UBE2E1: variants seen among roughly 807,000 people sequenced by gnomAD.
UBE2E1 encodes the protein ubiquitin conjugating enzyme E2 E1.
UBE2E1 carries 6 observed loss-of-function variants against 21.4 expected under a neutral mutation model. The ratio of observed to expected loss-of-function variants is 0.28; its 90% confidence interval spans 0.15 to 0.55. The LOEUF is 0.55. Among genes scored for constraint, UBE2E1 ranks in the 20% least tolerant of loss-of-function variants. The probability of loss-of-function intolerance (pLI) is 0.93; values close to 1 mark genes in which losing one functional copy is unlikely to be tolerated. For missense variants in UBE2E1, 142 were observed against 236.5 expected (o/e 0.60, Z 2.62); for synonymous variants, 87 against 82.7 (o/e 1.05, Z -0.28).
chr3:23,878,105 C>G (rs1700956621), intron 3 of UBE2E1, among the ~76,000 whole-genome samples: 1 of 152,194 alleles, frequency 6.6e-6, no homozygotes, highest in Admixed American at 6.5e-5. Context: ...GGTCAATTTA[C>G]TATCCTTGCT....
At chr3:23,812,226 G>GA (rs2125280216) in intron 3 of UBE2E1, among the ~76,000 whole-genome samples, 1 of 130,676 alleles carries the variant, frequency 7.7e-6, no homozygotes, top group Non-Finnish European at 1.6e-5. Context: ...ACAATGAAGT[G>GA]AGGGTAACTT....
rs1414863461 is a variant in UBE2E1 at position 23,836,225 on chromosome 3, A to G, written c.203+24715A>G. On this transcript the variant is annotated intron_variant, in intron 3 of 5. Transcript: ENST00000306627. The surrounding 1 kb of genome is among the most constrained non-coding windows in gnomAD (Gnocchi z 4.1). ...TTTTATAACTAAAGTTAATAGGAAT[A>G]TCTAAAATGAATATCCAGCTAGTAA... Among the ~76,000 whole-genome samples, 1 of 152,252 alleles carries G rather than the reference A, an allele frequency of 6.6e-6. No homozygotes were observed. The highest frequency in any genetic ancestry group is 1.9e-4 in the East Asian group (1 of 5,200).
At chr3:23,858,939 A>T (rs112884278) in intron 3 of UBE2E1, among the ~76,000 whole-genome samples, 107 of 152,220 alleles carry the variant, frequency 7.0e-4, no homozygotes, top group African/African-American at 1.4e-3. Flanking sequence ...TTAACAATTT[A>T]CCTCATATCA....
chr3:23,817,429 AAAAAAAAAAG>A (rs919089148), intron 3 of UBE2E1, among the ~76,000 whole-genome samples: 2 of 148,168 alleles, frequency 1.3e-5, no homozygotes, highest in Non-Finnish European at 3.0e-5. Context: ...CTCAAAAAAA[AAAAAAAAAAG>A]AAAGAAAAGA....
At chr3:23,829,301 C>A (rs1451917245) in intron 3 of UBE2E1, among the ~76,000 whole-genome samples, 1 of 147,246 alleles carries the variant, frequency 6.8e-6, no homozygotes, top group African/African-American at 2.5e-5. Context: ...GCTGGGACAA[C>A]AGGTGCACTC....
At chr3:23,848,484 A>C (rs1038464960) in intron 3 of UBE2E1, among the ~76,000 whole-genome samples, 3 of 151,178 alleles carry the variant, frequency 2.0e-5, no homozygotes, top group African/African-American at 7.3e-5. Flanking sequence ...AAAAAAAAAC[A>C]AAAAACAAAA....
At chr3:23,849,932 A>G (rs1457046069) in intron 3 of UBE2E1, among the ~76,000 whole-genome samples, 3 of 152,178 alleles carry the variant, frequency 2.0e-5, no homozygotes, top group African/African-American at 7.2e-5. Flanking sequence ...GAATTGCCAC[A>G]CTGTCTCCAA....
intron 3 of UBE2E1, among the ~76,000 whole-genome samples, chr3:23,852,047 C>T (rs1404123123): frequency 1.3e-5 from 2 of 152,326 alleles, no homozygotes; most frequent in South Asian, 2.1e-4. Context: ...TGCTCCCTTT[C>T]CTGTCATGTC....
intron 3 of UBE2E1, among the ~76,000 whole-genome samples, chr3:23,838,403 G>A (rs1282382477): frequency 6.6e-6 from 1 of 152,088 alleles, no homozygotes; most frequent in Non-Finnish European, 1.5e-5. Flanking sequence ...ATTGGGACTT[G>A]CTTGTTTTTC....
chr3:23,871,278 C>T (rs567039962), intron 3 of UBE2E1, among the ~76,000 whole-genome samples: 1 of 109,302 alleles, frequency 9.1e-6, no homozygotes, highest in East Asian at 2.2e-4. Context: ...CCCTCACCTC[C>T]CGGACTGGGC....
intron 3 of UBE2E1, among the ~76,000 whole-genome samples, chr3:23,825,010 A>T (rs942113267): frequency 6.6e-5 from 10 of 152,236 alleles, no homozygotes; most frequent in African/African-American, 2.4e-4. Flanking sequence ...CCCAACAAGT[A>T]TATACGAAAC....
In UBE2E1 at chr3:23,842,235, GTGTGTGTGTGTGTGGTGTTGT is replaced by G. The variant is rs1700105350; in HGVS notation, c.203+30729_203+30749del. On this transcript the variant is annotated intron_variant, in intron 3 of 5. Coordinates refer to ENST00000306627, the MANE Select transcript of UBE2E1 (RefSeq NM_003341.5). The surrounding 1 kb of genome is among the most constrained non-coding windows in gnomAD (Gnocchi z 4.6). ...TGTGTGTGTGTGTGTGTGTGTGTGT[GTGTGTGTGTGTGTGGTGTTGT>G]TGTTGTTGGCGACAGGGTCTCAATT... Among the ~76,000 whole-genome samples the G allele has an allele frequency of 1.3e-5, 1 of 78,792 alleles. No individual in the cohort carries two copies. The highest frequency in any genetic ancestry group is 4.6e-5 in the African/African-American group (1 of 21,800). The allele number at this position is 78,792 out of a possible 152,430, so 51.7% of individuals were successfully genotyped here. A position where few individuals can be genotyped will look rare whatever the true frequency, so the allele number is the denominator to read the frequency against.
intron 3 of UBE2E1, among the ~76,000 whole-genome samples, chr3:23,854,029 G>A (rs562904582): frequency 3.3e-4 from 50 of 152,268 alleles, no homozygotes; most frequent in African/African-American, 1.2e-3. Flanking sequence ...AGACCGAGGT[G>A]CATGGATCAC....
intron 3 of UBE2E1, among the ~76,000 whole-genome samples, chr3:23,827,613 A>C (rs1488676806): frequency 1.3e-5 from 2 of 152,128 alleles, no homozygotes; most frequent in African/African-American, 4.8e-5. Flanking sequence ...ATTATACTCT[A>C]CTGCCTCTTA....
chr3:23,828,878 G>C (rs1699808367), intron 3 of UBE2E1, among the ~76,000 whole-genome samples: 1 of 152,168 alleles, frequency 6.6e-6, no homozygotes, highest in Non-Finnish European at 1.5e-5. Flanking sequence ...TTCCAGGCTT[G>C]TGCCTGTCCC....
In UBE2E1 at chr3:23,816,534, G is replaced by T. The variant is rs12635311; in HGVS notation, c.203+5024G>T. Among the ~76,000 whole-genome samples, 1 of 151,958 alleles carries T rather than the reference G, an allele frequency of 6.6e-6. No homozygotes were observed. Among genetic ancestry groups the T allele is most frequent in the African/African-American group, 2.4e-5 (1 of 41,364 alleles). ...ATCGTGGCGAACACAGTGAAACCCC[G>T]TCTCTACTAAAAATACAAAAAAATT... is the stretch of plus-strand genomic sequence containing the variant. On this transcript the variant is annotated intron_variant, in intron 3 of 5. Coordinates refer to ENST00000306627, the MANE Select transcript of UBE2E1 (RefSeq NM_003341.5). This position sits in a 1 kb window ranked among gnomAD's most constrained non-coding sequence, Gnocchi z 4.8.
chr3:23,891,632 T>C lies in UBE2E1; in HGVS notation c.*1026T>C, dbSNP rs1575053008. The C allele has an allele frequency of 6.6e-6, 1 of 152,312 alleles. No individual in the cohort carries two copies. Among genetic ancestry groups the C allele is most frequent in the East Asian group, 1.9e-4 (1 of 5,194 alleles). The allele number at this position is 152,312 out of a possible 1,614,324, so 9.4% of individuals were successfully genotyped here. ...TCATGGATAAATTGGTACCCTGCCT[T>C]AGGGGGCATTTTGGCAGTACATGTC... On this transcript the variant is annotated 3_prime_UTR_variant, in exon 6 of 6. Coordinates refer to ENST00000306627, the MANE Select transcript of UBE2E1 (RefSeq NM_003341.5).
chr3:23,879,558 C>T (rs6550808), intron 3 of UBE2E1: 33,725 of 308,242 alleles, frequency 0.11, 2,588 homozygotes, highest in African/African-American at 0.23. Flanking sequence ...TAGAACTTCT[C>T]TTCGTAGGTG....
At chr3:23,882,643 C>T (rs1292968424) in intron 3 of UBE2E1, among the ~76,000 whole-genome samples, 5 of 151,760 alleles carry the variant, frequency 3.3e-5, no homozygotes, top group East Asian at 2.0e-4. Context: ...GGAGGGGAGG[C>T]TCGGGCCTGG....
Sources: gnomAD v4.1 joint callset for allele counts (sites outside exome capture counted in the v4.1 genomes callset) on GRCh38, gnomAD v4.1.1 for gene constraint, Gnocchi (gnomAD v3.1) non-coding constraint, MANE v1.5 for transcripts, NCBI Gene and HGNC (gene_info 2026-07-23, HGNC 2026-07-21) for gene names.